The following VWA8 variants were observed in gnomAD, a reference collection of about 807,000 sequenced individuals.
VWA8 encodes the protein von Willebrand factor A domain-containing protein 8.
Under a neutral mutation model 241.5 loss-of-function variants are expected in VWA8, and 221 were observed. The observed-to-expected ratio is 0.91, with a 90% CI of 0.82 to 1.02. VWA8 has a LOEUF of 1.02. Ranked by LOEUF, VWA8 falls within the 50% of genes least tolerant of loss-of-function variation. The pLI is 0.00. For missense variants in VWA8, 2,322 were observed against 2,328.7 expected, an observed-to-expected ratio of 1.00 and a Z score of 0.06; for synonymous variants, 852 against 827.1, an observed-to-expected ratio of 1.03 and a Z score of -0.52.
chr13:41,572,163 C>T (rs1236463059), intron 43 of VWA8, among the ~76,000 whole-genome samples: 2 of 151,786 alleles, frequency 1.3e-5, no homozygotes, highest in Non-Finnish European at 2.9e-5. Context: ...GCCGCCCCGT[C>T]CGGGAGGGAG....
intron 9 of VWA8, among the ~76,000 whole-genome samples, chr13:41,873,596 A>C (rs1188507372): frequency 2.6e-5 from 4 of 152,298 alleles, no homozygotes; most frequent in Non-Finnish European, 2.9e-5. Flanking sequence ...GAAATGGATA[A>C]ATTCCTCGAC....
intron 37 of VWA8, among the ~76,000 whole-genome samples, chr13:41,632,031 C>T (rs1170780875): frequency 1.3e-5 from 2 of 152,162 alleles, no homozygotes; most frequent in Non-Finnish European, 2.9e-5. Flanking sequence ...AAAAGGTTAA[C>T]ATTCAATACT....
At chr13:41,610,193 T>G (rs968387406) in intron 39 of VWA8, among the ~76,000 whole-genome samples, 1 of 152,214 alleles carries the variant, frequency 6.6e-6, no homozygotes. Context: ...TCCAATTGTT[T>G]AGTTCTTTTT....
chr13:41,571,280 CCCG>C (rs2044299831), intron 43 of VWA8, among the ~76,000 whole-genome samples: 3 of 136,576 alleles, frequency 2.2e-5, no homozygotes, highest in African/African-American at 7.8e-5. Flanking sequence ...CTGTCCCTCT[CCCG>C]TCTCCCTCTC....
At chr13:41,592,947 G>A (rs565007811) in intron 40 of VWA8, among the ~76,000 whole-genome samples, 3 of 152,314 alleles carry the variant, frequency 2.0e-5, no homozygotes, top group African/African-American at 7.2e-5. Flanking sequence ...CTGGTGAGCC[G>A]TGTTAGCTGG....
chr13:41,873,772 T>C (rs950568299), intron 9 of VWA8, among the ~76,000 whole-genome samples: 177 of 152,158 alleles, frequency 1.2e-3, no homozygotes, highest in African/African-American at 4.0e-3. Context: ...GGAACTGGTA[T>C]CATTCCTTCT....
chr13:41,819,957 T>TTGGTCA (rs1870878597), intron 14 of VWA8, among the ~76,000 whole-genome samples: 1 of 152,208 alleles, frequency 6.6e-6, no homozygotes, highest in South Asian at 2.1e-4. Context: ...AATGCATTCT[T>TTGGTCA]TGGTCATTCT....
chr13:41,690,285 A>T lies in VWA8; in HGVS notation c.3867-10T>A, dbSNP rs1233197706. 6 of 1,601,824 alleles carry T rather than the reference A, an allele frequency of 3.7e-6. No homozygotes were observed. On this transcript the variant is annotated splice_polypyrimidine_tract_variant and intron_variant, in intron 32 of 44. Transcript: ENST00000379310. ...AGTTAAAAGATATTTCCTGCAAACAAACAAAACATCTAGCTTAAGTGAAAT... is the reference window on the plus strand; with the variant it reads ...AGTTAAAAGATATTTCCTGCAAACATACAAAACATCTAGCTTAAGTGAAAT...
chr13:41,670,857 G>A (rs1691934883), intron 37 of VWA8, 89 bp downstream of exon 37: 2 of 1,476,702 alleles, frequency 1.4e-6, no homozygotes, highest in African/African-American at 2.8e-5. Context: ...TTGAGTCACT[G>A]GCCCAGAAAT....
At chr13:41,705,057 A>G (rs1339423301) in intron 26 of VWA8, among the ~76,000 whole-genome samples, 1 of 152,254 alleles carries the variant, frequency 6.6e-6, no homozygotes, top group African/African-American at 2.4e-5. Flanking sequence ...GGAAGCAAAC[A>G]TTCTAGTAGA....
At position 41,823,248 on chromosome 13, in the gene VWA8, G is replaced by A. The variant is rs533922171; in HGVS notation, c.1701-3862C>T. On this transcript the variant is annotated intron_variant, in intron 14 of 44. Coordinates refer to ENST00000379310, the MANE Select transcript of VWA8 (RefSeq NM_015058.2). ...GTTAAAGGGTTGAGATAATATAACC[G>A]ATCAAGGATTGTGCTCAAATGTCCA... 1.1e-4 allele frequency among the ~76,000 whole-genome samples: 16 copies of A among 152,188 alleles called. No homozygotes were observed. In the South Asian group the frequency reaches 1.5e-3, roughly 14 times the overall value.
At chr13:41,674,797 CATA>C (rs1452476738) in intron 36 of VWA8, among the ~76,000 whole-genome samples, 15 of 152,144 alleles carry the variant, frequency 9.9e-5, no homozygotes, top group Admixed American at 3.3e-4. Context: ...ACTGCAGATG[CATA>C]ATAACATATA....
At chr13:41,939,663 C>T (rs1333375667) in intron 2 of VWA8, among the ~76,000 whole-genome samples, 1 of 152,038 alleles carries the variant, frequency 6.6e-6, no homozygotes, top group Non-Finnish European at 1.5e-5. Flanking sequence ...TTCAGGTGGT[C>T]AATGAATTAA....
At chr13:41,769,382 CAA>C (rs1180946655) in intron 20 of VWA8, among the ~76,000 whole-genome samples, 1 of 151,898 alleles carries the variant, frequency 6.6e-6, no homozygotes, top group African/African-American at 2.4e-5. Context: ...AGATGACATA[CAA>C]AAAAGTGTTG....
chr13:41,831,243 T>C (rs1593801262), intron 13 of VWA8, among the ~76,000 whole-genome samples: 1 of 152,224 alleles, frequency 6.6e-6, no homozygotes, highest in East Asian at 1.9e-4. Flanking sequence ...AGAGTTAGCC[T>C]ACATAGCCTC....
chr13:41,624,153 C>G (rs2044674280), intron 37 of VWA8, among the ~76,000 whole-genome samples: 1 of 152,130 alleles, frequency 6.6e-6, no homozygotes, highest in African/African-American at 2.4e-5. Context: ...AGACCAATAA[C>G]ATGTTCAGAA....
intron 25 of VWA8, among the ~76,000 whole-genome samples, chr13:41,720,919 T>G (rs754181035): frequency 6.6e-6 from 1 of 152,192 alleles, no homozygotes; most frequent in East Asian, 1.9e-4. Flanking sequence ...GCCTACTCTA[T>G]CTTGTGAAAC....
At chr13:41,713,450 T>C (rs969565785) in intron 26 of VWA8, among the ~76,000 whole-genome samples, 6 of 152,200 alleles carry the variant, frequency 3.9e-5, no homozygotes, top group African/African-American at 1.4e-4. Context: ...TAGAACGTGT[T>C]AATTCAAAGT....
At chr13:41,691,966 T>C (rs2137818079) in intron 30 of VWA8, 28 bp from the exon 31 acceptor site, 2 of 1,483,928 alleles carry the variant, frequency 1.3e-6, no homozygotes, top group South Asian at 1.1e-5. Flanking sequence ...AAGATATTCA[T>C]ATTAAATGTG....
Sources: allele counts gnomAD v4.1 joint callset (sites outside exome capture counted in the v4.1 genomes callset), GRCh38; gene constraint gnomAD v4.1.1; transcripts MANE v1.5; gene names NCBI Gene and HGNC (gene_info 2026-07-23, HGNC 2026-07-21).